The following SLC30A8 variants were observed in gnomAD, a reference collection of about 807,000 sequenced individuals.
The protein encoded by SLC30A8 is solute carrier family 30 member 8, also known as proton-coupled zinc antiporter SLC30A8.
In SLC30A8, 27 loss-of-function variants were observed where a neutral mutation model predicts 36.9. The ratio of observed to expected loss-of-function variants is 0.73; its 90% CI spans 0.54 to 1.01. The LOEUF (loss-of-function observed/expected upper bound fraction) is 1.01. SLC30A8 is among the 50% of genes least tolerant of loss of function. The pLI, the probability that SLC30A8 is intolerant of heterozygous loss-of-function variation, is 0.00. For missense variants in SLC30A8, 439 were observed against 452.0 expected (o/e 0.97, Z 0.26); for synonymous variants, 164 against 172.4 (o/e 0.95, Z 0.38).
intron 2 of SLC30A8, among the ~76,000 whole-genome samples, chr8:117,073,664 A>G (rs1022995584): frequency 6.6e-6 from 1 of 152,166 alleles, no homozygotes; most frequent in African/African-American, 2.4e-5. Flanking sequence ...ATTCAGTACC[A>G]TTTTCACCTC....
At chr8:117,139,928 C>G (rs1360057336) in intron 1 of SLC30A8, among the ~76,000 whole-genome samples, 1 of 148,728 alleles carries the variant, frequency 6.7e-6, no homozygotes, top group African/African-American at 2.5e-5. Flanking sequence ...TTCAAAACAG[C>G]TATTATAACT....
At chr8:117,130,210 C>T (rs1254299351), upstream of SLC30A8, 3 of 151,978 alleles carry the variant, frequency 2.0e-5, no homozygotes, top group Non-Finnish European at 4.4e-5. Context: ...TCCCTTGATG[C>T]ATTTTGGATT....
chr8:117,157,857 C>T lies in SLC30A8; in HGVS notation c.572+13C>T. 6.2e-7 allele frequency: 1 copy of T among 1,613,546 alleles called. No homozygotes were observed. Among genetic ancestry groups the T allele is most frequent in the Non-Finnish European group, 8.5e-7 (1 of 1,179,764 alleles). On this transcript the variant is annotated intron_variant, in intron 4 of 7. Transcript: ENST00000456015. Reference sequence around the variant, plus strand: ...CGGCCAACATTGTGTAAGTCATCCCCTGGTCCCCACACACTGCTCATGAGG... The same window carrying T: ...CGGCCAACATTGTGTAAGTCATCCCTTGGTCCCCACACACTGCTCATGAGG...
chr8:117,109,250 G>T (rs1392969848), intron 2 of SLC30A8, among the ~76,000 whole-genome samples: 1 of 152,126 alleles, frequency 6.6e-6, no homozygotes, highest in Non-Finnish European at 1.5e-5. Context: ...AATGGGGTAG[G>T]CATTATTCTT....
chr8:117,109,718 T>C (rs187413170), intron 2 of SLC30A8, among the ~76,000 whole-genome samples: 49 of 152,230 alleles, frequency 3.2e-4, no homozygotes, highest in Admixed American at 7.2e-4. Flanking sequence ...CATGTTGTTA[T>C]TAAGTTGAAA....
At chr8:116,961,936 C>T (rs1457063757) in intron 1 of SLC30A8, among the ~76,000 whole-genome samples, 1 of 151,946 alleles carries the variant, frequency 6.6e-6, no homozygotes, top group Non-Finnish European at 1.5e-5. Flanking sequence ...CTAGGCCCCA[C>T]ATCCCAACAC....
chr8:117,154,232 C>T (rs1822353202), intron 3 of SLC30A8, among the ~76,000 whole-genome samples: 2 of 152,104 alleles, frequency 1.3e-5, no homozygotes, highest in Admixed American at 1.3e-4. Flanking sequence ...CTCATTTTTA[C>T]AGTCCCTCCC....
intron 1 of SLC30A8, among the ~76,000 whole-genome samples, chr8:117,009,503 A>G (rs887505348): frequency 6.6e-6 from 1 of 152,192 alleles, no homozygotes; most frequent in Non-Finnish European, 1.5e-5. Flanking sequence ...GGGCATTGGC[A>G]ATTTTGTGAT....
chr8:116,995,632 G>A (rs554877810), intron 1 of SLC30A8, among the ~76,000 whole-genome samples: 9 of 152,164 alleles, frequency 5.9e-5, no homozygotes, highest in African/African-American at 2.2e-4. Flanking sequence ...TGAATGTATT[G>A]GGGGCACAGT....
At chr8:117,050,131 C>G (rs1223783643) in intron 2 of SLC30A8, among the ~76,000 whole-genome samples, 1 of 152,168 alleles carries the variant, frequency 6.6e-6, no homozygotes, top group East Asian at 1.9e-4. Flanking sequence ...TGCCACATCT[C>G]TGCAAAGCAG....
intron 2 of SLC30A8, among the ~76,000 whole-genome samples, chr8:117,039,567 TTGTAA>T (rs1400875001): frequency 1.3e-5 from 2 of 152,194 alleles, no homozygotes; most frequent in Non-Finnish European, 1.5e-5. Context: ...ACAGACAGTC[TTGTAA>T]TGTAATTGTC....
intron 2 of SLC30A8, among the ~76,000 whole-genome samples, chr8:117,117,848 G>A (rs1482157389): frequency 1.3e-5 from 2 of 151,884 alleles, no homozygotes; most frequent in Admixed American, 1.3e-4. Context: ...AGGTAAAATT[G>A]TAAGTTAATG....
chr8:116,982,956 G>A (rs973371070), intron 1 of SLC30A8, among the ~76,000 whole-genome samples: 2 of 151,998 alleles, frequency 1.3e-5, no homozygotes, highest in African/African-American at 4.8e-5. Context: ...AAATGAATGA[G>A]AACTTTTTCA....
At chr8:117,162,689 C>G (rs1822852733) in intron 5 of SLC30A8, among the ~76,000 whole-genome samples, 1 of 152,158 alleles carries the variant, frequency 6.6e-6, no homozygotes, top group Non-Finnish European at 1.5e-5. Flanking sequence ...TATCTAAATT[C>G]AGTTGAGCAA....
intron 2 of SLC30A8, among the ~76,000 whole-genome samples, chr8:117,106,515 A>G (rs1820002149): frequency 6.6e-6 from 1 of 152,184 alleles, no homozygotes; most frequent in Non-Finnish European, 1.5e-5. Context: ...AGGAACTTCG[A>G]GCAAAAGAGG....
intron 2 of SLC30A8, among the ~76,000 whole-genome samples, chr8:117,129,060 C>A (rs1821027455): frequency 6.6e-6 from 1 of 152,042 alleles, no homozygotes; most frequent in African/African-American, 2.4e-5. Context: ...TTGAGAAGAA[C>A]TATCCTCAGA....
intron 1 of SLC30A8, among the ~76,000 whole-genome samples, chr8:116,979,448 T>C (rs1312761868): frequency 1.3e-5 from 2 of 152,160 alleles, no homozygotes; most frequent in Non-Finnish European, 2.9e-5. Flanking sequence ...TTCCCTGTCG[T>C]TGGCTTCCAT....
intron 2 of SLC30A8, among the ~76,000 whole-genome samples, chr8:117,080,697 T>C (rs1053073032): frequency 3.9e-5 from 6 of 152,210 alleles, no homozygotes; most frequent in Non-Finnish European, 7.3e-5. Flanking sequence ...TAGTATTCTA[T>C]GGTATATATG....
chr8:117,161,956 A>G, intron 5 of SLC30A8, 68 bp downstream of exon 5: 1 of 1,404,258 alleles, frequency 7.1e-7, no homozygotes, highest in Non-Finnish European at 9.7e-7. Flanking sequence ...TGACCCTCCA[A>G]CATTAACTTA....
Sources: allele counts gnomAD v4.1 joint callset (sites outside exome capture counted in the v4.1 genomes callset), GRCh38; gene constraint gnomAD v4.1.1; transcripts MANE v1.5; gene names NCBI Gene and HGNC (gene_info 2026-07-23, HGNC 2026-07-21).